SMYD3: variants seen among roughly 807,000 people sequenced by gnomAD.
SMYD3 encodes the protein histone-lysine N-methyltransferase SMYD3.
A neutral mutation model predicts 57.7 loss-of-function variants in SMYD3; 36 were observed. The ratio of observed to expected loss-of-function variants is 0.62; its 90% confidence interval spans 0.48 to 0.82. The LOEUF (loss-of-function observed/expected upper bound fraction) is 0.82. SMYD3 is among the 40% of genes least tolerant of loss of function. The pLI is 0.00. For missense variants in SMYD3, 515 were observed against 538.8 expected (o/e 0.96, Z 0.44); for synonymous variants, 211 against 195.0 (o/e 1.08, Z -0.68).
chr1:246,268,372 G>A (rs984049853), intron 5 of SMYD3, among the ~76,000 whole-genome samples: 10 of 152,114 alleles, frequency 6.6e-5, no homozygotes, highest in Middle Eastern at 3.2e-3. Flanking sequence ...AAAAGGGGAG[G>A]CATGAATAAT....
intron 5 of SMYD3, among the ~76,000 whole-genome samples, chr1:246,088,381 G>A (rs929991483): frequency 2.0e-5 from 3 of 151,570 alleles, no homozygotes; most frequent in Non-Finnish European, 4.4e-5. Flanking sequence ...AGGCTGAGGC[G>A]GGCGGATCAT....
At chr1:246,223,970 C>T (rs1292027812) in intron 5 of SMYD3, among the ~76,000 whole-genome samples, 2 of 152,088 alleles carry the variant, frequency 1.3e-5, no homozygotes, top group Non-Finnish European at 2.9e-5. Flanking sequence ...GGATTCTTTT[C>T]ATTTTCAAGA....
At chr1:246,475,364 C>T (rs1257523284) in intron 1 of SMYD3, among the ~76,000 whole-genome samples, 10 of 150,900 alleles carry the variant, frequency 6.6e-5, no homozygotes, top group Non-Finnish European at 1.3e-4. Context: ...ACTTTTTGGC[C>T]GGCAGCCATG....
intron 7 of SMYD3, among the ~76,000 whole-genome samples, chr1:245,918,183 A>G (rs1285997688): frequency 6.6e-6 from 1 of 152,208 alleles, no homozygotes; most frequent in East Asian, 1.9e-4. Context: ...ACACAGAAAC[A>G]AGAATATCTG....
At chr1:246,496,748 C>T (rs1439345362) in intron 1 of SMYD3, among the ~76,000 whole-genome samples, 1 of 152,072 alleles carries the variant, frequency 6.6e-6, no homozygotes, top group African/African-American at 2.4e-5. Flanking sequence ...ATGACTTCAG[C>T]CAGGAGGTTG....
chr1:245,905,195 C>G (rs2054479384), intron 8 of SMYD3, among the ~76,000 whole-genome samples: 1 of 151,840 alleles, frequency 6.6e-6, no homozygotes, highest in Non-Finnish European at 1.5e-5. Context: ...GGGCAAAACT[C>G]CTTCTGTTTG....
chr1:245,807,701 C>T (rs2048256048), intron 10 of SMYD3, among the ~76,000 whole-genome samples: 1 of 152,036 alleles, frequency 6.6e-6, no homozygotes, highest in Non-Finnish European at 1.5e-5. Flanking sequence ...TACAGTCCCC[C>T]CTTCCCTTTC....
chr1:246,415,217 C>T (rs1250115699), intron 1 of SMYD3, among the ~76,000 whole-genome samples: 1 of 152,166 alleles, frequency 6.6e-6, no homozygotes, highest in African/African-American at 2.4e-5. Context: ...AATTTTTCTA[C>T]AAAAACTGCC....
intron 1 of SMYD3, among the ~76,000 whole-genome samples, chr1:246,367,052 T>C (rs916616411): frequency 1.3e-5 from 2 of 152,046 alleles, no homozygotes; most frequent in Non-Finnish European, 2.9e-5. Context: ...ATTAGCAGTT[T>C]ATAGAAAAAG....
chr1:246,242,077 T>C (rs2063622461), intron 5 of SMYD3, among the ~76,000 whole-genome samples: 1 of 151,982 alleles, frequency 6.6e-6, no homozygotes, highest in Non-Finnish European at 1.5e-5. Flanking sequence ...GTTTTTTTTG[T>C]GTCTCTATTT....
intron 1 of SMYD3, among the ~76,000 whole-genome samples, chr1:246,373,732 T>G (rs1478079379): frequency 6.6e-6 from 1 of 152,244 alleles, no homozygotes; most frequent in African/African-American, 2.4e-5. Flanking sequence ...GTTCATATTT[T>G]ATCATTTTCT....
intron 8 of SMYD3, among the ~76,000 whole-genome samples, chr1:245,882,146 A>C (rs372506233): frequency 7.9e-5 from 12 of 152,376 alleles, no homozygotes; most frequent in African/African-American, 2.9e-4. Flanking sequence ...TAGTGTAAAC[A>C]ACAGAGAAGG....
intron 5 of SMYD3, among the ~76,000 whole-genome samples, chr1:246,037,670 C>A (rs779059503): frequency 2.0e-5 from 3 of 152,212 alleles, no homozygotes; most frequent in Non-Finnish European, 4.4e-5. Context: ...GGTCTCCGAG[C>A]GTCACAATGT....
chr1:246,214,607 G>A lies in SMYD3; in HGVS notation c.531+112594C>T, dbSNP rs372340030. On this transcript the variant is annotated intron_variant, in intron 5 of 11. Transcript: ENST00000490107. ...TACATAATAAGTATGCCTCCAAGAA[G>A]TAAGGCTAAGAGAGAAACCAATTTA... Among the ~76,000 whole-genome samples, 61 of 152,266 alleles carry A rather than the reference G, an allele frequency of 4.0e-4. 1 individual carries two copies. The highest frequency in any genetic ancestry group is 1.5e-3 in the African/African-American group (61 of 41,518).
intron 5 of SMYD3, among the ~76,000 whole-genome samples, chr1:246,298,692 C>T (rs1226736942): frequency 6.6e-6 from 1 of 152,008 alleles, no homozygotes; most frequent in Admixed American, 6.6e-5. Context: ...ATATGCAACA[C>T]TCCCTGTATA....
At position 246,197,191 on chromosome 1, in the gene SMYD3, G is replaced by A. The variant is rs150333177; in HGVS notation, c.531+130010C>T. Among the ~76,000 whole-genome samples, 512 of 152,270 alleles carry A rather than the reference G, an allele frequency of 3.4e-3. 4 individuals carry two copies. The highest frequency in any genetic ancestry group is 7.4e-3 in the Admixed American group (113 of 15,294). On this transcript the variant is annotated intron_variant, in intron 5 of 11. Coordinates refer to ENST00000490107, the MANE Select transcript of SMYD3 (RefSeq NM_001167740.2). ...TAAAAGACAAATCTCCTGTTCAGAGGAATTCCAAATAATTTACATATTAAA... is the reference window on the plus strand; with the variant it reads ...TAAAAGACAAATCTCCTGTTCAGAGAAATTCCAAATAATTTACATATTAAA...
At chr1:245,783,334 T>A (rs1448358827) in intron 10 of SMYD3, among the ~76,000 whole-genome samples, 1 of 152,142 alleles carries the variant, frequency 6.6e-6, no homozygotes, top group African/African-American at 2.4e-5. Flanking sequence ...ATACACTGGA[T>A]TGTGAGAACC....
intron 5 of SMYD3, among the ~76,000 whole-genome samples, chr1:246,187,287 CAAA>C (rs201777727): frequency 9.1e-6 from 1 of 110,480 alleles, no homozygotes; most frequent in Non-Finnish European, 2.0e-5. Flanking sequence ...GACTCTGTCT[CAAA>C]AAAAAAAAAA....
chr1:245,856,493 C>T (rs1248580586), intron 10 of SMYD3, among the ~76,000 whole-genome samples: 1 of 152,156 alleles, frequency 6.6e-6, no homozygotes, highest in Non-Finnish European at 1.5e-5. Context: ...CAAACGTTTC[C>T]CAAACATAAT....
Sources: allele counts gnomAD v4.1 joint callset (sites outside exome capture counted in the v4.1 genomes callset), GRCh38; gene constraint gnomAD v4.1.1; transcripts MANE v1.5; gene names NCBI Gene and HGNC (gene_info 2026-07-23, HGNC 2026-07-21).